MPHOSPH6: variants seen among roughly 807,000 people sequenced by gnomAD.
The protein encoded by MPHOSPH6 is M-phase phosphoprotein 6.
MPHOSPH6 carries 25 observed loss-of-function variants against 21.8 expected under a neutral mutation model. The observed-to-expected ratio is 1.15, with a 90% CI of 0.83 to 1.60. The LOEUF (loss-of-function observed/expected upper bound fraction) is 1.60, where lower values mean the gene tolerates loss of function less well. MPHOSPH6 is among the 40% of genes most tolerant of loss of function. The pLI, the probability that MPHOSPH6 is intolerant of heterozygous loss-of-function variation, is 0.00. For missense variants in MPHOSPH6, 269 were observed against 181.8 expected (o/e 1.48, Z -2.76); for synonymous variants, 84 against 56.5 (o/e 1.49, Z -2.18).
chr16:82,151,523 G>T lies in MPHOSPH6; in HGVS notation c.165-9C>A. On this transcript the variant is annotated splice_polypyrimidine_tract_variant and intron_variant, in intron 2 of 4. Transcript: ENST00000258169. ...CTTCTATTATGAAACTCCTAAATGG[G>T]AAAATAAAAATAGCATTTCTCCATA... 6.4e-7 allele frequency: 1 copy of T among 1,561,808 alleles called. No homozygotes were observed. The highest frequency in any genetic ancestry group is 8.6e-7 in the Non-Finnish European group (1 of 1,158,488).
At chr16:82,169,776 T>C (rs1906909482) in intron 1 of MPHOSPH6, among the ~76,000 whole-genome samples, 2 of 152,282 alleles carry the variant, frequency 1.3e-5, no homozygotes, top group South Asian at 4.1e-4. Flanking sequence ...TTCCCATATA[T>C]CATATTTATT....
Position 82,153,358 on chromosome 16 carries a change from C to A in MPHOSPH6, c.165-1844G>T, listed in dbSNP as rs562959887. ...AAAATGACCATTTTCAGATAATGAA[C>A]AAATCCAAGCATATGACTGTGATGC... is the stretch of plus-strand genomic sequence containing the variant. On this transcript the variant is annotated intron_variant, in intron 2 of 4. Coordinates refer to ENST00000258169, the MANE Select transcript of MPHOSPH6 (RefSeq NM_005792.2). Among the ~76,000 whole-genome samples, 15 of 152,070 alleles carry A rather than the reference C, an allele frequency of 9.9e-5. No homozygotes were observed. The South Asian group carries it at 2.7e-3, about 27-fold the overall frequency.
At chr16:82,153,409 A>G (rs11641177) in intron 2 of MPHOSPH6, among the ~76,000 whole-genome samples, 21,404 of 152,220 alleles carry the variant, frequency 0.14, 2,208 homozygotes, top group Admixed American at 0.34. Flanking sequence ...CAAATGAAGT[A>G]GACCCCATGA....
At chr16:82,152,967 G>A (rs11645604) in intron 2 of MPHOSPH6, among the ~76,000 whole-genome samples, 31,724 of 152,168 alleles carry the variant, frequency 0.21, 3,929 homozygotes, top group Admixed American at 0.38. Context: ...ACAGCCACCA[G>A]TAAAAGAGCC....
At chr16:82,155,505 A>G (rs1906400454) in intron 2 of MPHOSPH6, among the ~76,000 whole-genome samples, 2 of 152,170 alleles carry the variant, frequency 1.3e-5, no homozygotes, top group African/African-American at 4.8e-5. Context: ...ACACCCCTCC[A>G]CCCCATACAT....
At chr16:82,152,889 C>T (rs1597159700) in intron 2 of MPHOSPH6, among the ~76,000 whole-genome samples, 1 of 152,208 alleles carries the variant, frequency 6.6e-6, no homozygotes, top group Non-Finnish European at 1.5e-5. Context: ...CTCTGATTCT[C>T]ATAAAGATTC....
chr16:82,152,861 C>T lies in MPHOSPH6; in HGVS notation c.165-1347G>A, dbSNP rs77772125. 9.7e-4 allele frequency among the ~76,000 whole-genome samples: 148 copies of T among 152,338 alleles called. 2 individuals are homozygous for T. In the East Asian group the frequency reaches 0.024, roughly 25 times the overall value. ...GAAAGCAAACATGTGGCTTTTAAGG[C>T]TTGTTTGCCGGAGTAGGCTCTGATT... is the stretch of plus-strand genomic sequence containing the variant. On this transcript the variant is annotated intron_variant, in intron 2 of 4. Transcript: ENST00000258169.
chr16:82,149,330 G>A lies in MPHOSPH6; in HGVS notation c.329C>T (p.Ser110Leu). Residue 110 changes from serine (S) to leucine (L), a missense_variant, in exon 4 of 5, where the codon TCA becomes TTA. Coordinates refer to ENST00000258169, the MANE Select transcript of MPHOSPH6 (RefSeq NM_005792.2). ...TTACCTTCTAGCCATCTCTTCATCT[G>A]ACACATCAAGCTCTACTGTTTCATC... Reference protein sequence around the residue: ...VEDETVELDVSDEEMARRYET... With the variant: ...VEDETVELDVLDEEMARRYET... 1.9e-6 allele frequency: 3 copies of A among 1,613,204 alleles called. No homozygotes were observed. The highest frequency in any genetic ancestry group is 2.5e-6 in the Non-Finnish European group (3 of 1,180,016).
intron 2 of MPHOSPH6, among the ~76,000 whole-genome samples, chr16:82,158,467 C>T (rs921049148): frequency 1.4e-5 from 2 of 144,768 alleles, no homozygotes; most frequent in African/African-American, 5.2e-5. Context: ...CCACTGCACT[C>T]CAGCCTGGGT....
rs1475570679 is a variant in MPHOSPH6, at chr16:82,164,245, G to A, written c.52-51C>T. On this transcript the variant is annotated intron_variant, in intron 1 of 4. Coordinates refer to ENST00000258169, the MANE Select transcript of MPHOSPH6 (RefSeq NM_005792.2). ...CAGAAACTTTTCCCATTTTAGAACT[G>A]AGGAAACCCCAAATAATTTTCTTCT... is the stretch of plus-strand genomic sequence containing the variant. The A allele has an allele frequency of 4.3e-6, 5 of 1,175,106 alleles. 1 individual carries two copies. In the African/African-American group the frequency reaches 4.6e-5, roughly 11 times the overall value. 72.8% of individuals were successfully genotyped at this position (1,175,106 alleles called of 1,614,324 possible).
intron 1 of MPHOSPH6, among the ~76,000 whole-genome samples, chr16:82,168,092 C>A (rs144425386): frequency 6.6e-6 from 1 of 151,558 alleles, no homozygotes; most frequent in Admixed American, 6.6e-5. Flanking sequence ...TTGCTTCCAA[C>A]GTCCAGTTGA....
At chr16:82,155,431 A>C (rs1906397894) in intron 2 of MPHOSPH6, among the ~76,000 whole-genome samples, 1 of 152,218 alleles carries the variant, frequency 6.6e-6, no homozygotes. Context: ...CAAAAAAACT[A>C]CTTGTCAGTG....
chr16:82,150,201 G>A (rs1282342694), intron 3 of MPHOSPH6, among the ~76,000 whole-genome samples: 1 of 151,854 alleles, frequency 6.6e-6, no homozygotes, highest in Non-Finnish European at 1.5e-5. Flanking sequence ...ACCCGTCCCT[G>A]CCCCCCATCA....
intron 2 of MPHOSPH6, among the ~76,000 whole-genome samples, chr16:82,161,300 G>C (rs536709796): frequency 3.3e-5 from 5 of 152,292 alleles, no homozygotes; most frequent in African/African-American, 1.2e-4. Context: ...GACCCAGAAG[G>C]TTCCTATCTT....
At chr16:82,157,004 T>G (rs890617089) in intron 2 of MPHOSPH6, among the ~76,000 whole-genome samples, 37 of 152,070 alleles carry the variant, frequency 2.4e-4, no homozygotes, top group Non-Finnish European at 2.1e-4. Flanking sequence ...TGAGCCGCGG[T>G]TGCGCCAGTG....
At chr16:82,155,226 T>C (rs1392308818) in intron 2 of MPHOSPH6, among the ~76,000 whole-genome samples, 1 of 152,206 alleles carries the variant, frequency 6.6e-6, no homozygotes, top group East Asian at 1.9e-4. Flanking sequence ...AAACAGCACT[T>C]CATGTGTAAT....
At chr16:82,157,231 G>C (rs12447673) in intron 2 of MPHOSPH6, among the ~76,000 whole-genome samples, 1 of 152,046 alleles carries the variant, frequency 6.6e-6, no homozygotes, top group African/African-American at 2.4e-5. Flanking sequence ...CTTAGTGAAA[G>C]TGTTATAACA....
chr16:82,164,618 T>C, intron 1 of MPHOSPH6: 1 of 159,934 alleles, frequency 6.3e-6, no homozygotes, highest in Non-Finnish European at 1.4e-5. Context: ...GCCTCTGTCC[T>C]AAATGCTTCC....
chr16:82,163,986 C>T (rs768162400), intron 2 of MPHOSPH6, 96 bp downstream of exon 2: 12 of 756,102 alleles, frequency 1.6e-5, no homozygotes, highest in Middle Eastern at 2.4e-4. Context: ...GAAACAATTT[C>T]ATGGGCTTTA....
Sources: allele counts gnomAD v4.1 joint callset (sites outside exome capture counted in the v4.1 genomes callset), GRCh38; gene constraint gnomAD v4.1.1; transcripts MANE v1.5; gene names NCBI Gene and HGNC (gene_info 2026-07-23, HGNC 2026-07-21).